TTC39A: variants seen among roughly 807,000 people sequenced by gnomAD.
TTC39A encodes tetratricopeptide repeat domain 39A.
A neutral mutation model predicts 82.3 loss-of-function variants in TTC39A; 46 were observed. The observed-to-expected ratio is 0.56, with a 90% CI of 0.44 to 0.71. TTC39A has a LOEUF of 0.71. Ranked by LOEUF, TTC39A falls within the 30% of genes least tolerant of loss-of-function variation. TTC39A has a pLI of 0.00. For synonymous variants in TTC39A, 254 were observed against 275.2 expected (o/e 0.92, Z 0.76); for missense variants, 543 against 712.9 (o/e 0.76, Z 2.71).
Position 51,294,677 on chromosome 1 carries a change from C to T in TTC39A, c.1146-166G>A, listed in dbSNP as rs1408520528. 6.6e-6 allele frequency among the ~76,000 whole-genome samples: 1 copy of T among 152,176 alleles called. No individual in the cohort carries two copies. The highest frequency in any genetic ancestry group is 6.5e-5 in the Admixed American group (1 of 15,278). On this transcript the variant is annotated intron_variant, in intron 13 of 17. Coordinates refer to ENST00000680483, the MANE Select transcript of TTC39A (RefSeq NM_001297663.2). This position sits in a 1 kb window ranked among gnomAD's most constrained non-coding sequence, Gnocchi z 4.3. ...AGCCTTCTAGGTCTGAAATAGCCTG[C>T]GGCTATAATTTTAGAGACCCTGCCC...
chr1:51,302,333 C>G, intron 11 of TTC39A, 24 bp downstream of exon 11: 3 of 1,586,644 alleles, frequency 1.9e-6, no homozygotes, highest in Non-Finnish European at 2.6e-6. Flanking sequence ...ATCCCCAGCC[C>G]CGGCCCGGAC....
In TTC39A at chr1:51,316,547, C is replaced by T. The variant is rs149133625; in HGVS notation, c.147-3604G>A. On this transcript the variant is annotated intron_variant, in intron 2 of 17. Transcript: ENST00000680483. ...GCAACTGCCCACTTTCTCCACACTG[C>T]CACTGAGCAATGCTGGAGAAAGCTG... is the stretch of plus-strand genomic sequence containing the variant. 4.0e-3 allele frequency among the ~76,000 whole-genome samples: 604 copies of T among 152,322 alleles called. 6 individuals carry two copies. Among genetic ancestry groups the T allele is most frequent in the African/African-American group, 0.014 (589 of 41,552 alleles).
At chr1:51,311,941 C>A (rs570943408) in intron 4 of TTC39A, among the ~76,000 whole-genome samples, 178 bp downstream of exon 4, 6 of 152,372 alleles carry the variant, frequency 3.9e-5, no homozygotes, top group Non-Finnish European at 5.9e-5. Context: ...ACCTGCCCCC[C>A]ACACCCTCAC....
intron 1 of TTC39A, among the ~76,000 whole-genome samples, chr1:51,328,270 C>T (rs1645787599): frequency 6.6e-6 from 1 of 152,136 alleles, no homozygotes; most frequent in Non-Finnish European, 1.5e-5. Context: ...CCTCGTGAAA[C>T]ACATGTGCAA....
intron 1 of TTC39A, among the ~76,000 whole-genome samples, chr1:51,340,387 T>C (rs917761843): frequency 1.3e-5 from 2 of 152,056 alleles, no homozygotes; most frequent in African/African-American, 4.8e-5. Flanking sequence ...TCTCAGAGCA[T>C]GAAAAACAGC....
intron 11 of TTC39A, 40 bp downstream of exon 11, chr1:51,302,317 C>G: frequency 5.7e-6 from 9 of 1,572,962 alleles, no homozygotes; most frequent in Non-Finnish European, 7.8e-6. Context: ...TGGGAGACCC[C>G]GAGGGATCCC....
intron 16 of TTC39A, among the ~76,000 whole-genome samples, chr1:51,289,352 C>A (rs1208166818): frequency 6.6e-6 from 1 of 152,180 alleles, no homozygotes; most frequent in Non-Finnish European, 1.5e-5. Context: ...GCCTTGTGAA[C>A]AAAACATCCA....
chr1:51,291,305 A>T (rs920725241), intron 14 of TTC39A, among the ~76,000 whole-genome samples: 8 of 151,908 alleles, frequency 5.3e-5, no homozygotes, highest in Non-Finnish European at 1.0e-4. Context: ...AGCCTGGCCA[A>T]CATGGTGAAA....
intron 1 of TTC39A, among the ~76,000 whole-genome samples, chr1:51,341,495 ACC>A (rs1646036626): frequency 6.6e-6 from 1 of 151,990 alleles, no homozygotes; most frequent in African/African-American, 2.4e-5. Flanking sequence ...TTTCTCAATG[ACC>A]CCCAAAAGGA....
chr1:51,344,750 G>T (rs1028899127), intron 1 of TTC39A, among the ~76,000 whole-genome samples: 1 of 152,256 alleles, frequency 6.6e-6, no homozygotes, highest in African/African-American at 2.4e-5. Context: ...GCGACACTGA[G>T]CGGCGCTCAG....
intron 1 of TTC39A, among the ~76,000 whole-genome samples, chr1:51,337,975 G>GA (rs1645995377): frequency 6.6e-6 from 1 of 152,102 alleles, no homozygotes; most frequent in African/African-American, 2.4e-5. Flanking sequence ...AGACTCTAGG[G>GA]ACATGTGGCT....
chr1:51,298,423 TC>T (rs1200924717), intron 12 of TTC39A: 1 of 152,522 alleles, frequency 6.6e-6, no homozygotes, highest in African/African-American at 2.4e-5. Context: ...CCTTAAACTC[TC>T]CCCAGGCCTC....
chr1:51,287,313 G>C lies in TTC39A; in HGVS notation c.*844C>G, dbSNP rs1644029580. The C allele has an allele frequency of 1.3e-5, 2 of 152,200 alleles. No individual in the cohort carries two copies. The highest frequency in any genetic ancestry group is 2.9e-5 in the Non-Finnish European group (2 of 68,036). 9.4% of individuals were successfully genotyped at this position (152,200 alleles called of 1,614,324 possible). A position where few individuals can be genotyped will look rare whatever the true frequency, so the allele number is the denominator to read the frequency against. The stretch of plus-strand genomic sequence containing the variant: ...TCAGTAAGCAAATGTACCTTGGAGT[G>C]AAGTACAGAAGATTTTTATGTTTCA... On this transcript the variant is annotated 3_prime_UTR_variant, in exon 18 of 18. Coordinates refer to ENST00000680483, the MANE Select transcript of TTC39A (RefSeq NM_001297663.2).
At chr1:51,328,596 A>G (rs138227666) in intron 1 of TTC39A, among the ~76,000 whole-genome samples, 20 of 152,336 alleles carry the variant, frequency 1.3e-4, no homozygotes, top group African/African-American at 4.8e-4. Flanking sequence ...TAAATTCAGG[A>G]TGGCAAGTAA....
At chr1:51,301,755 C>T (rs1411874254) in intron 11 of TTC39A, 22 bp from the exon 12 acceptor site, 3 of 1,593,816 alleles carry the variant, frequency 1.9e-6, no homozygotes, top group Non-Finnish European at 1.7e-6. Flanking sequence ...TTCTGGTCAG[C>T]CTGACGGGTG....
In TTC39A at chr1:51,303,069, C is replaced by G; in HGVS notation, c.763+15G>C. On this transcript the variant is annotated intron_variant, in intron 9 of 17. Coordinates refer to ENST00000680483, the MANE Select transcript of TTC39A (RefSeq NM_001297663.2). ...CGACCAAACCCCAGGGCCCCAGGTC[C>G]CCCTGTACACCTACCGAGCACGAAG... 1 of 1,573,540 alleles carries G rather than the reference C, an allele frequency of 6.4e-7. No individual in the cohort carries two copies. The highest frequency in any genetic ancestry group is 8.6e-7 in the Non-Finnish European group (1 of 1,159,696).
chr1:51,344,010 G>A (rs978126911), intron 1 of TTC39A, among the ~76,000 whole-genome samples: 1 of 152,086 alleles, frequency 6.6e-6, no homozygotes. Flanking sequence ...TGATGCAATA[G>A]TCCAATGAGA....
chr1:51,344,947 G>T (rs1312337817), intron 1 of TTC39A: 4 of 1,524,394 alleles, frequency 2.6e-6, no homozygotes, highest in Non-Finnish European at 2.6e-6. Context: ...CGGCCCCTTG[G>T]TCCCGTCCGC....
intron 1 of TTC39A, among the ~76,000 whole-genome samples, chr1:51,328,348 G>A (rs1645790158): frequency 7.1e-6 from 1 of 141,282 alleles, no homozygotes; most frequent in Non-Finnish European, 1.5e-5. Context: ...CATCCATCAA[G>A]AAGGATAAAC....
Sources: allele counts gnomAD v4.1 joint callset (sites outside exome capture counted in the v4.1 genomes callset), GRCh38; gene constraint gnomAD v4.1.1; non-coding constraint Gnocchi (gnomAD v3.1); transcripts MANE v1.5; gene names NCBI Gene and HGNC (gene_info 2026-07-23, HGNC 2026-07-21).